Variants in PCCA observed in about 807,000 individuals in gnomAD.
The protein encoded by PCCA is propionyl-CoA carboxylase subunit alpha.
A neutral mutation model predicts 101.3 loss-of-function variants in PCCA; 74 were observed. The observed-to-expected ratio is 0.73, with a 90% CI of 0.61 to 0.89. PCCA has a LOEUF of 0.89. PCCA is among the 40% of genes least tolerant of loss of function. The pLI is 0.00. For synonymous variants in PCCA, 294 were observed against 313.6 expected, an observed-to-expected ratio of 0.94 and a Z score of 0.66; for missense variants, 891 against 907.0, an observed-to-expected ratio of 0.98 and a Z score of 0.23.
At chr13:100,459,320 G>T (rs7333379) in intron 21 of PCCA, among the ~76,000 whole-genome samples, 2,775 of 152,274 alleles carry the variant, frequency 0.018, 92 homozygotes, top group African/African-American at 0.064. Flanking sequence ...AACCCAGTAT[G>T]CTATATAGAT....
At chr13:100,419,261 C>T (rs2078585447) in intron 19 of PCCA, among the ~76,000 whole-genome samples, 1 of 151,916 alleles carries the variant, frequency 6.6e-6, no homozygotes, top group Non-Finnish European at 1.5e-5. Flanking sequence ...CACTTGAGGT[C>T]AGAAGTTCGA....
intron 10 of PCCA, among the ~76,000 whole-genome samples, chr13:100,267,080 G>T (rs974950981): frequency 6.6e-6 from 1 of 152,100 alleles, no homozygotes; most frequent in South Asian, 2.1e-4. Context: ...AATGAACTGG[G>T]AGACTATACA....
At chr13:100,356,903 C>G (rs2095487) in intron 18 of PCCA, among the ~76,000 whole-genome samples, 107,403 of 152,056 alleles carry the variant, frequency 0.71, 38,326 homozygotes, top group Middle Eastern at 0.81. Context: ...AATAAATGAG[C>G]TATTGATATT....
chr13:100,204,933 A>G (rs1278886123), intron 6 of PCCA, among the ~76,000 whole-genome samples: 1 of 152,184 alleles, frequency 6.6e-6, no homozygotes, highest in Non-Finnish European at 1.5e-5. Flanking sequence ...ACCTGGGACT[A>G]CAGGCACACT....
At chr13:100,104,017 A>G (rs1363289571) in intron 2 of PCCA, among the ~76,000 whole-genome samples, 1 of 152,210 alleles carries the variant, frequency 6.6e-6, no homozygotes, top group Non-Finnish European at 1.5e-5. Flanking sequence ...TGCTATTACA[A>G]TAATGTTTGA....
At chr13:100,524,352 C>T (rs1378889813) in intron 22 of PCCA, among the ~76,000 whole-genome samples, 1 of 144,210 alleles carries the variant, frequency 6.9e-6, no homozygotes, top group Non-Finnish European at 1.5e-5. Flanking sequence ...AAGGATGAAA[C>T]ATGTTGAAAT....
chr13:100,374,338 C>A (rs2075765955), intron 19 of PCCA, among the ~76,000 whole-genome samples: 1 of 152,076 alleles, frequency 6.6e-6, no homozygotes, highest in African/African-American at 2.4e-5. Context: ...TATTATTCAG[C>A]TTGTCATGGT....
intron 19 of PCCA, among the ~76,000 whole-genome samples, chr13:100,414,858 TCTC>T: frequency 6.6e-6 from 1 of 152,180 alleles, no homozygotes; most frequent in Non-Finnish European, 1.5e-5. Flanking sequence ...GCAATAAACA[TCTC>T]CATCTCTAAA....
intron 6 of PCCA, among the ~76,000 whole-genome samples, chr13:100,201,962 CAGA>C (rs2058541535): frequency 6.7e-6 from 1 of 149,118 alleles, no homozygotes; most frequent in Non-Finnish European, 1.5e-5. Context: ...TTGGACTTCT[CAGA>C]GTTTATGAGT....
At chr13:100,281,935 GTTAAGTA>G (rs1291739800) in intron 12 of PCCA, among the ~76,000 whole-genome samples, 1 of 152,176 alleles carries the variant, frequency 6.6e-6, no homozygotes, top group Non-Finnish European at 1.5e-5. Flanking sequence ...TTATAAATTA[GTTAAGTA>G]TTATCAGTTT....
At chr13:100,361,217 C>T (rs1396493445) in intron 18 of PCCA, among the ~76,000 whole-genome samples, 1 of 152,116 alleles carries the variant, frequency 6.6e-6, no homozygotes, top group Admixed American at 6.5e-5. Flanking sequence ...TAATTCTGGA[C>T]ACATTTCATT....
intron 19 of PCCA, 41 bp downstream of exon 19, chr13:100,368,615 A>G (rs377414826): frequency 1.6e-6 from 2 of 1,218,280 alleles, no homozygotes; most frequent in Non-Finnish European, 2.4e-6. Flanking sequence ...TCTTGATGTT[A>G]TCTATGAATA....
chr13:100,184,650 G>A (rs1361866528), intron 6 of PCCA, among the ~76,000 whole-genome samples: 1 of 152,202 alleles, frequency 6.6e-6, no homozygotes, highest in Admixed American at 6.5e-5. Flanking sequence ...TTCTGTTGTA[G>A]TGTGAAAGCA....
chr13:100,240,350 T>G (rs986341982), intron 8 of PCCA, among the ~76,000 whole-genome samples: 4 of 151,808 alleles, frequency 2.6e-5, no homozygotes, highest in Non-Finnish European at 5.9e-5. Flanking sequence ...ACACAGCAAA[T>G]TTCAGGGCCT....
At chr13:100,481,453 C>T (rs559392139) in intron 21 of PCCA, among the ~76,000 whole-genome samples, 1 of 152,254 alleles carries the variant, frequency 6.6e-6, no homozygotes, top group African/African-American at 2.4e-5. Flanking sequence ...AGCTACTCGG[C>T]AGGCTGAGGT....
In PCCA at chr13:100,513,086, T is replaced by C. The variant is rs375591865; in HGVS notation, c.1900-2341T>C. The stretch of plus-strand genomic sequence containing the variant: ...TCTGATGGGCCCCTACGCTGCACCC[T>C]GCTTGGGCCCCATCCCGGCACGCGC... On this transcript the variant is annotated intron_variant, in intron 21 of 23. Coordinates refer to ENST00000376285, the MANE Select transcript of PCCA (RefSeq NM_000282.4). 6.2e-3 allele frequency among the ~76,000 whole-genome samples: 949 copies of C among 152,372 alleles called. 3 individuals carry two copies. The highest frequency in any genetic ancestry group is 0.021 in the African/African-American group (883 of 41,580).
chr13:100,380,995 C>T (rs1285201596), intron 19 of PCCA, among the ~76,000 whole-genome samples: 2 of 152,236 alleles, frequency 1.3e-5, no homozygotes, highest in Non-Finnish European at 2.9e-5. Context: ...TGTTCTGCAT[C>T]ATAAGGCATG....
chr13:100,408,874 C>A (rs1477081623), intron 19 of PCCA, among the ~76,000 whole-genome samples: 3 of 152,118 alleles, frequency 2.0e-5, no homozygotes, highest in South Asian at 2.1e-4. Flanking sequence ...AGGAAAAAAA[C>A]AACAACAAAA....
At chr13:100,505,970 A>G (rs897231646) in intron 21 of PCCA, among the ~76,000 whole-genome samples, 4 of 151,858 alleles carry the variant, frequency 2.6e-5, no homozygotes, top group African/African-American at 9.7e-5. Context: ...AGCACTTGCT[A>G]GGTGCGCTGC....
Sources: gnomAD v4.1 joint callset for allele counts (sites outside exome capture counted in the v4.1 genomes callset) on GRCh38, gnomAD v4.1.1 for gene constraint, MANE v1.5 for transcripts, NCBI Gene and HGNC (gene_info 2026-07-23, HGNC 2026-07-21) for gene names.